The following AGBL4 variants were observed in gnomAD, a reference collection of about 807,000 sequenced individuals.
AGBL4 encodes AGBL carboxypeptidase 4, also known as cytosolic carboxypeptidase 6.
AGBL4 carries 58 observed loss-of-function variants against 66.4 expected under a neutral mutation model. That is an observed-to-expected ratio of 0.87 (90% CI 0.71 to 1.09). The LOEUF (loss-of-function observed/expected upper bound fraction) is 1.09, where lower values mean the gene tolerates loss of function less well. AGBL4 is among the 50% of genes least tolerant of loss of function. The probability of loss-of-function intolerance (pLI) is 0.00; values close to 1 mark genes in which losing one functional copy is unlikely to be tolerated. For synonymous variants in AGBL4, 234 were observed against 222.9 expected (o/e 1.05, Z -0.44); for missense variants, 579 against 631.0 (o/e 0.92, Z 0.88).
intron 3 of AGBL4, among the ~76,000 whole-genome samples, chr1:49,522,944 C>T (rs997817968): frequency 6.6e-6 from 1 of 151,974 alleles, no homozygotes; most frequent in African/African-American, 2.4e-5. Flanking sequence ...GTGTACCTGC[C>T]CCTTGGAAAT....
chr1:49,982,720 T>C (rs1033536802), intron 1 of AGBL4, among the ~76,000 whole-genome samples: 1 of 152,074 alleles, frequency 6.6e-6, no homozygotes, highest in African/African-American at 2.4e-5. Flanking sequence ...TCATCCCCTC[T>C]GAACCCCATA....
At chr1:49,938,775 AC>A (rs1654400164) in intron 1 of AGBL4, among the ~76,000 whole-genome samples, 1 of 152,140 alleles carries the variant, frequency 6.6e-6, no homozygotes, top group African/African-American at 2.4e-5. Context: ...TGCAGAAAAG[AC>A]CTTTAAGAAA....
intron 6 of AGBL4, among the ~76,000 whole-genome samples, chr1:48,735,228 G>C (rs1190825993): frequency 6.6e-6 from 1 of 152,140 alleles, no homozygotes; most frequent in Admixed American, 6.5e-5. Flanking sequence ...TCTACACCAT[G>C]GTCTGTCTCT....
intron 11 of AGBL4, among the ~76,000 whole-genome samples, chr1:48,569,695 G>A (rs902638605): frequency 6.6e-6 from 1 of 152,182 alleles, no homozygotes; most frequent in African/African-American, 2.4e-5. Flanking sequence ...CAAAAGAGCA[G>A]GCTTTGGAGG....
chr1:49,588,347 T>C (rs1162881225), intron 3 of AGBL4, among the ~76,000 whole-genome samples: 1 of 152,158 alleles, frequency 6.6e-6, no homozygotes, highest in African/African-American at 2.4e-5. Flanking sequence ...CTGAGCTCCT[T>C]AAGGACAGAG....
intron 3 of AGBL4, among the ~76,000 whole-genome samples, chr1:49,562,427 T>A (rs1167915050): frequency 6.6e-6 from 1 of 152,120 alleles, no homozygotes; most frequent in Non-Finnish European, 1.5e-5. Context: ...TCTTCTAGGG[T>A]TTTTATGGTT....
At chr1:49,996,798 A>G (rs982817333) in intron 1 of AGBL4, among the ~76,000 whole-genome samples, 3 of 152,216 alleles carry the variant, frequency 2.0e-5, no homozygotes, top group Non-Finnish European at 4.4e-5. Flanking sequence ...AAAGTATATT[A>G]ACAGCTATGA....
At chr1:48,839,081 A>G (rs1224677394) in intron 6 of AGBL4, among the ~76,000 whole-genome samples, 1 of 152,130 alleles carries the variant, frequency 6.6e-6, no homozygotes, top group East Asian at 1.9e-4. Context: ...GTTGATGGGA[A>G]TGTAAATTAG....
At chr1:49,919,719 A>T (rs1313713933) in intron 1 of AGBL4, among the ~76,000 whole-genome samples, 3 of 152,104 alleles carry the variant, frequency 2.0e-5, no homozygotes, top group Non-Finnish European at 4.4e-5. Flanking sequence ...GACTTTCTTC[A>T]CAGAATTGGA....
intron 3 of AGBL4, among the ~76,000 whole-genome samples, chr1:49,494,321 A>T (rs1010111984): frequency 6.6e-5 from 10 of 151,792 alleles, no homozygotes; most frequent in Admixed American, 4.6e-4. Context: ...CATGTGCACA[A>T]TGTGCAGGTT....
intron 2 of AGBL4, among the ~76,000 whole-genome samples, chr1:49,718,906 T>C (rs1044507910): frequency 5.3e-5 from 8 of 152,142 alleles, no homozygotes; most frequent in African/African-American, 1.9e-4. Flanking sequence ...GTCTGTTTGA[T>C]GCATTTCTTT....
At chr1:50,012,141 G>C (rs1319712519) in intron 1 of AGBL4, among the ~76,000 whole-genome samples, 1 of 150,448 alleles carries the variant, frequency 6.6e-6, no homozygotes, top group African/African-American at 2.5e-5. Flanking sequence ...AATCCGGCCT[G>C]GGCGACAGAG....
intron 1 of AGBL4, among the ~76,000 whole-genome samples, chr1:49,881,818 T>G (rs1647354597): frequency 6.6e-6 from 1 of 151,700 alleles, no homozygotes. Flanking sequence ...TTGCGAAAAT[T>G]TTCTCCCATT....
At chr1:48,975,867 A>G (rs757243852) in intron 5 of AGBL4, among the ~76,000 whole-genome samples, 13 of 152,126 alleles carry the variant, frequency 8.5e-5, no homozygotes, top group Non-Finnish European at 1.5e-4. Flanking sequence ...GCTGGTATCA[A>G]TCAGAAGTGG....
At chr1:48,951,709 G>T (rs1243928701) in intron 5 of AGBL4, among the ~76,000 whole-genome samples, 1 of 152,090 alleles carries the variant, frequency 6.6e-6, no homozygotes, top group Non-Finnish European at 1.5e-5. Context: ...CCAGACTCCC[G>T]AACTGTGAGA....
chr1:49,447,959 C>T (rs887607246), intron 3 of AGBL4, among the ~76,000 whole-genome samples: 2 of 152,058 alleles, frequency 1.3e-5, no homozygotes, highest in African/African-American at 4.8e-5. Flanking sequence ...ATCTAGGATA[C>T]TCTACTTAGC....
At chr1:49,449,112 ACCTGATGATATAT>A (rs2148679406) in intron 3 of AGBL4, among the ~76,000 whole-genome samples, 1 of 152,146 alleles carries the variant, frequency 6.6e-6, no homozygotes, top group South Asian at 2.1e-4. Flanking sequence ...AATACTATAA[ACCTGATGATATAT>A]ATAATATCTC....
At chr1:49,603,570 ATAAAC>A (rs1450859683) in intron 3 of AGBL4, among the ~76,000 whole-genome samples, 4 of 151,540 alleles carry the variant, frequency 2.6e-5, no homozygotes, top group Non-Finnish European at 5.9e-5. Context: ...AAATAAATAA[ATAAAC>A]AAATAAATAG....
chr1:49,278,410 A>T (rs1644213028), intron 3 of AGBL4, among the ~76,000 whole-genome samples: 2 of 152,184 alleles, frequency 1.3e-5, no homozygotes, highest in African/African-American at 4.8e-5. Context: ...GCACTTGTTC[A>T]TAAGAAACCT....
Sources: gnomAD v4.1 joint callset for allele counts (sites outside exome capture counted in the v4.1 genomes callset) on GRCh38, gnomAD v4.1.1 for gene constraint, MANE v1.5 for transcripts, NCBI Gene and HGNC (gene_info 2026-07-23, HGNC 2026-07-21) for gene names.